Variants in SGCZ observed in about 807,000 individuals in gnomAD.
SGCZ encodes the protein sarcoglycan zeta.
In SGCZ, 40 loss-of-function variants were observed where a neutral mutation model predicts 41.3. The observed-to-expected ratio is 0.97, with a 90% confidence interval of 0.75 to 1.26. The LOEUF is 1.26. SGCZ is among the 50% of genes most tolerant of loss of function. The pLI, the probability that SGCZ is intolerant of heterozygous loss-of-function variation, is 0.00. For missense variants in SGCZ, 552 were observed against 369.8 expected (o/e 1.49, Z -4.04); for synonymous variants, 206 against 137.5 (o/e 1.50, Z -3.49).
chr8:15,139,962 T>C (rs775315492), intron 1 of SGCZ, among the ~76,000 whole-genome samples: 4 of 152,142 alleles, frequency 2.6e-5, no homozygotes, highest in Non-Finnish European at 5.9e-5. Flanking sequence ...AAAGAAACTG[T>C]ACCTCTCCTC....
chr8:14,674,987 G>T (rs1470752563), intron 1 of SGCZ, among the ~76,000 whole-genome samples: 2 of 115,134 alleles, frequency 1.7e-5, no homozygotes, highest in Admixed American at 1.3e-4. Context: ...CGTCCAGGCT[G>T]AAGTACAGTG....
chr8:14,542,421 C>G (rs1027531997), intron 2 of SGCZ, among the ~76,000 whole-genome samples: 4 of 151,986 alleles, frequency 2.6e-5, no homozygotes, highest in African/African-American at 9.7e-5. Context: ...TCACTAATGA[C>G]TATTTAGTAT....
intron 1 of SGCZ, among the ~76,000 whole-genome samples, chr8:15,177,508 T>C (rs899780082): frequency 6.6e-6 from 1 of 152,186 alleles, no homozygotes; most frequent in African/African-American, 2.4e-5. Context: ...CATTTAATCT[T>C]ACAATGGGAG....
chr8:14,577,509 C>T (rs1804749022), intron 1 of SGCZ, among the ~76,000 whole-genome samples: 1 of 151,498 alleles, frequency 6.6e-6, no homozygotes, highest in East Asian at 1.9e-4. Context: ...CTGTCTCAGC[C>T]TCCGAGTAGC....
chr8:15,179,451 C>G (rs1305932659), intron 1 of SGCZ, among the ~76,000 whole-genome samples: 1 of 152,134 alleles, frequency 6.6e-6, no homozygotes, highest in Non-Finnish European at 1.5e-5. Flanking sequence ...TCAACAACCA[C>G]TGAAAGTAGG....
At chr8:14,293,107 C>T (rs1800894054) in intron 3 of SGCZ, among the ~76,000 whole-genome samples, 1 of 151,712 alleles carries the variant, frequency 6.6e-6, no homozygotes, top group African/African-American at 2.4e-5. Flanking sequence ...AAAGTACAGC[C>T]AAAAATGTCC....
chr8:14,746,412 G>C (rs548124595), intron 1 of SGCZ, among the ~76,000 whole-genome samples: 1 of 152,160 alleles, frequency 6.6e-6, no homozygotes, highest in Non-Finnish European at 1.5e-5. Flanking sequence ...ATTGCATTTA[G>C]TAGTAAAAAA....
intron 1 of SGCZ, among the ~76,000 whole-genome samples, chr8:14,968,428 C>T (rs1415203906): frequency 6.6e-6 from 1 of 152,002 alleles, no homozygotes; most frequent in East Asian, 1.9e-4. Context: ...AGAGAAATAT[C>T]CCCAAACGGA....
At chr8:14,831,275 G>A (rs7824677) in intron 1 of SGCZ, among the ~76,000 whole-genome samples, 3 of 152,110 alleles carry the variant, frequency 2.0e-5, no homozygotes, top group South Asian at 4.1e-4. Context: ...AGGACAGAAG[G>A]TGTTCTTTGA....
intron 1 of SGCZ, among the ~76,000 whole-genome samples, chr8:14,819,160 A>C (rs952406216): frequency 2.0e-5 from 3 of 152,060 alleles, no homozygotes; most frequent in African/African-American, 7.2e-5. Context: ...GTAAAAGTAG[A>C]ATTCTAAAAG....
At chr8:14,307,134 A>G (rs1801375652) in intron 3 of SGCZ, among the ~76,000 whole-genome samples, 1 of 152,204 alleles carries the variant, frequency 6.6e-6, no homozygotes, top group African/African-American at 2.4e-5. Flanking sequence ...TCATAACAAG[A>G]GCATCTGTGG....
At chr8:14,140,481 A>G (rs1255386127) in intron 5 of SGCZ, among the ~76,000 whole-genome samples, 1 of 152,244 alleles carries the variant, frequency 6.6e-6, no homozygotes, top group Non-Finnish European at 1.5e-5. Flanking sequence ...GTCTCAGGAT[A>G]CAAAATCAAT....
intron 1 of SGCZ, among the ~76,000 whole-genome samples, chr8:14,843,589 A>G (rs758533585): frequency 6.6e-6 from 1 of 152,228 alleles, no homozygotes; most frequent in Admixed American, 6.5e-5. Context: ...ATAATAAAAA[A>G]TATATTACAT....
intron 1 of SGCZ, among the ~76,000 whole-genome samples, chr8:14,868,647 A>G (rs528156932): frequency 2.0e-5 from 3 of 152,282 alleles, no homozygotes; most frequent in African/African-American, 7.2e-5. Context: ...GATGGGAAAG[A>G]GACAATTAGA....
At chr8:14,250,924 T>A (rs75836862) in intron 3 of SGCZ, among the ~76,000 whole-genome samples, 2,273 of 152,196 alleles carry the variant, frequency 0.015, 61 homozygotes, top group East Asian at 0.083. Flanking sequence ...GCTAGAGATG[T>A]GTATGTTAAA....
intron 1 of SGCZ, among the ~76,000 whole-genome samples, chr8:15,064,162 A>G (rs1805038113): frequency 6.6e-6 from 1 of 152,104 alleles, no homozygotes; most frequent in Admixed American, 6.5e-5. Flanking sequence ...CCATGACATG[A>G]CCCATACTGT....
At chr8:14,422,563 T>G (rs912130175) in intron 2 of SGCZ, among the ~76,000 whole-genome samples, 6 of 152,160 alleles carry the variant, frequency 3.9e-5, no homozygotes, top group Non-Finnish European at 7.4e-5. Context: ...AAACTCACAT[T>G]TATGTGGAGC....
chr8:14,656,551 C>T (rs1481899069), intron 1 of SGCZ, among the ~76,000 whole-genome samples: 1 of 133,374 alleles, frequency 7.5e-6, no homozygotes, highest in South Asian at 2.8e-4. Flanking sequence ...CTTTCCCTTT[C>T]TTTTTCTTTC....
At chr8:14,601,231 A>G (rs1332140712) in intron 1 of SGCZ, among the ~76,000 whole-genome samples, 2 of 152,070 alleles carry the variant, frequency 1.3e-5, no homozygotes, top group Non-Finnish European at 2.9e-5. Context: ...ATCATAATGT[A>G]TACATTCAAT....
Sources: gnomAD v4.1 joint callset for allele counts (sites outside exome capture counted in the v4.1 genomes callset) on GRCh38, gnomAD v4.1.1 for gene constraint, MANE v1.5 for transcripts, NCBI Gene and HGNC (gene_info 2026-07-23, HGNC 2026-07-21) for gene names.